NMU: variants seen among roughly 807,000 people sequenced by gnomAD.
NMU encodes the protein neuromedin-U.
Under a neutral mutation model 35.4 loss-of-function variants are expected in NMU, and 29 were observed. That is an observed-to-expected ratio of 0.82 (90% confidence interval 0.61 to 1.12). NMU has a LOEUF of 1.12. Ranked by LOEUF, NMU falls within the 50% of genes most tolerant of loss-of-function variation. The probability of loss-of-function intolerance (pLI) is 0.00; values close to 1 mark genes in which losing one functional copy is unlikely to be tolerated. For synonymous variants in NMU, 78 were observed against 81.3 expected, an observed-to-expected ratio of 0.96 and a Z score of 0.22; for missense variants, 199 against 206.2, an observed-to-expected ratio of 0.97 and a Z score of 0.21.
intron 1 of NMU, among the ~76,000 whole-genome samples, chr4:55,632,666 G>A: frequency 6.6e-6 from 1 of 152,122 alleles, no homozygotes; most frequent in East Asian, 1.9e-4. Context: ...AAAACACCTG[G>A]TGACCTCACT....
chr4:55,616,359 C>T lies in NMU; in HGVS notation c.198G>A (p.Leu66=), dbSNP rs377282338. ...TTACCTGAGGCTGAGAATCAATGGA[C>T]AGAAAAGACGAACAAGTATCATCTA... The part of the protein sequence containing the change: ...NEIDDTCSSF[L]SIDSQPQASN... The change falls in exon 3 of 10, where the codon CTG becomes CTA. Residue 66 remains leucine, a synonymous_variant. Transcript: ENST00000264218. The T allele has an allele frequency of 5.6e-6, 9 of 1,612,266 alleles. No individual in the cohort carries two copies. The highest frequency in any genetic ancestry group is 7.6e-6 in the Non-Finnish European group (9 of 1,178,404).
chr4:55,616,159 A>G (rs1479787663), intron 3 of NMU, among the ~76,000 whole-genome samples, 179 bp downstream of exon 3: 2 of 152,234 alleles, frequency 1.3e-5, no homozygotes, highest in Non-Finnish European at 2.9e-5. Flanking sequence ...TTAGAGATGA[A>G]AGCCCTAGCA....
At chr4:55,627,175 G>A (rs532682457) in intron 2 of NMU, among the ~76,000 whole-genome samples, 1 of 152,228 alleles carries the variant, frequency 6.6e-6, no homozygotes, top group South Asian at 2.1e-4. Flanking sequence ...GGTACTGGTG[G>A]TGACTGCTAT....
chr4:55,606,621 T>C (rs1441233079), intron 6 of NMU, among the ~76,000 whole-genome samples: 4 of 152,072 alleles, frequency 2.6e-5, no homozygotes, highest in African/African-American at 9.7e-5. Context: ...TTTATTTGCT[T>C]TTTTTATTTT....
At position 55,605,325 on chromosome 4, in the gene NMU, G is replaced by A; in HGVS notation, c.385C>T (p.Gln129Ter). 6.2e-7 allele frequency: 1 copy of A among 1,613,680 alleles called. No individual in the cohort carries two copies. Among genetic ancestry groups the A allele is most frequent in the Non-Finnish European group, 8.5e-7 (1 of 1,179,582 alleles). Residue 129 changes from glutamine to a stop codon, truncating the protein, a stop_gained, in exon 7 of 10, where the codon CAG (glutamine) becomes TAG (stop). Transcript: ENST00000264218. LOFTEE classifies it high-confidence loss of function. ...VVSSVVHPLL[Q>*]LVPHLHERRM... ...CTCTCATGCAGGTGAGGAACGAGCT[G>A]CAGCAACGGATGCACAACTGACGAC...
intron 7 of NMU, among the ~76,000 whole-genome samples, chr4:55,604,223 G>T (rs1305156805): frequency 6.7e-6 from 1 of 149,730 alleles, no homozygotes; most frequent in East Asian, 2.0e-4. Context: ...CCACCGCCAC[G>T]CCCAGCTAAT....
At chr4:55,628,643 C>T (rs1734635041) in intron 2 of NMU, among the ~76,000 whole-genome samples, 2 of 151,632 alleles carry the variant, frequency 1.3e-5, no homozygotes, top group Admixed American at 1.3e-4. Context: ...GGATTACAGG[C>T]ACCATGCCCG....
chr4:55,636,055 A>G lies in NMU; in HGVS notation c.112+26T>C. 6.5e-7 allele frequency: 1 copy of G among 1,532,048 alleles called. No homozygotes were observed. Among genetic ancestry groups the G allele is most frequent in the Non-Finnish European group, 8.7e-7 (1 of 1,145,790 alleles). 94.9% of individuals were successfully genotyped at this position (1,532,048 alleles called of 1,614,324 possible). A position where few individuals can be genotyped will look rare whatever the true frequency, so the allele number is the denominator to read the frequency against. ...CAGAGAGAGGCGCGCATGGCGTGGA[A>G]GCGGCCGGGTGCGGGGCCGTCTTAC... On this transcript the variant is annotated intron_variant, in intron 1 of 9. Transcript: ENST00000264218. This position sits in a 1 kb window ranked among gnomAD's most constrained non-coding sequence, Gnocchi z 4.0.
At position 55,605,287 on chromosome 4, in the gene NMU, T is replaced by A. The variant is rs191821062; in HGVS notation, c.423A>T (p.Arg141Ser). 3.7e-5 allele frequency: 59 copies of A among 1,612,330 alleles called. No individual in the cohort carries two copies. The highest frequency in any genetic ancestry group is 4.7e-5 in the Non-Finnish European group (55 of 1,178,342). Residue 141 changes from arginine to serine, a missense_variant, in exon 7 of 10, where the codon AGA becomes AGT. Transcript: ENST00000264218. ...TTGTATTACATACGTCCACTCTGAA[T>A]CTCTTCATTCTTCTCTCATGCAGGT... ...VPHLHERRMK[R>S]FRVDEEFQSP... is the part of the protein sequence containing the mutation.
chr4:55,625,889 T>A (rs1734507538), intron 2 of NMU, among the ~76,000 whole-genome samples: 1 of 151,974 alleles, frequency 6.6e-6, no homozygotes, highest in Non-Finnish European at 1.5e-5. Flanking sequence ...GCCCACCACA[T>A]GTTGCCTATC....
chr4:55,606,880 G>A (rs964803360), intron 6 of NMU, among the ~76,000 whole-genome samples: 3 of 152,004 alleles, frequency 2.0e-5, no homozygotes, highest in Admixed American at 1.3e-4. Context: ...GTTTCACCAT[G>A]TTGGCCAGGC....
chr4:55,634,056 A>G (rs1395379484), intron 1 of NMU, among the ~76,000 whole-genome samples: 2 of 152,138 alleles, frequency 1.3e-5, no homozygotes, highest in Non-Finnish European at 2.9e-5. Context: ...GTTTTTTGCC[A>G]AGGATGCTGC....
At chr4:55,611,235 T>C (rs1733919670) in intron 3 of NMU, among the ~76,000 whole-genome samples, 1 of 151,978 alleles carries the variant, frequency 6.6e-6, no homozygotes, top group Non-Finnish European at 1.5e-5. Context: ...TGGTGGTGCA[T>C]GCCTGTAGTC....
intron 3 of NMU, among the ~76,000 whole-genome samples, chr4:55,611,187 T>C (rs59571323): frequency 0.18 from 26,689 of 151,616 alleles, 2,471 homozygotes; most frequent in South Asian, 0.23. Context: ...CATAGCAAGA[T>C]CCTGTCTCTA....
In NMU at chr4:55,619,920, G is replaced by T. The variant is rs1477596531; in HGVS notation, c.172-3535C>A. Among the ~76,000 whole-genome samples the T allele has an allele frequency of 2.3e-3, 311 of 135,512 alleles. 10 individuals carry two copies. Among genetic ancestry groups the T allele is most frequent in the Middle Eastern group, 3.8e-3 (1 of 262 alleles). 88.9% of individuals were successfully genotyped at this position (135,512 alleles called of 152,430 possible). On this transcript the variant is annotated intron_variant, in intron 2 of 9. Coordinates refer to ENST00000264218, the MANE Select transcript of NMU (RefSeq NM_006681.4). ...GCAGGGGCACACTGACACCTCACAA[G>T]GCAGGGTATTCCAACAGACCTGCAG...
At chr4:55,617,727 G>A in intron 2 of NMU, among the ~76,000 whole-genome samples, 1 of 152,150 alleles carries the variant, frequency 6.6e-6, no homozygotes, top group Non-Finnish European at 1.5e-5. Flanking sequence ...GTCACCTTCT[G>A]TGGTTCAGTA....
Position 55,598,085 on chromosome 4 carries a change from T to C in NMU, c.*4+1057A>G, listed in dbSNP as rs1733265925. 3.9e-5 allele frequency among the ~76,000 whole-genome samples: 5 copies of C among 128,462 alleles called. No individual in the cohort carries two copies. The Admixed American group carries it at 5.1e-4, about 13-fold the overall frequency. 84.3% of individuals were successfully genotyped at this position (128,462 alleles called of 152,430 possible). Reference sequence around the variant, plus strand: ...TTTACTTTGTTGTTGTTGTTTTGGTTGTGGTTTTTTTTTTTTTTTTTTTTT... The same window carrying C: ...TTTACTTTGTTGTTGTTGTTTTGGTCGTGGTTTTTTTTTTTTTTTTTTTTT... On this transcript the variant is annotated intron_variant, in intron 9 of 9. Coordinates refer to ENST00000264218, the MANE Select transcript of NMU (RefSeq NM_006681.4).
intron 5 of NMU, 34 bp downstream of exon 5, chr4:55,607,403 T>A: frequency 7.9e-7 from 1 of 1,263,686 alleles, no homozygotes; most frequent in Non-Finnish European, 1.2e-6. Flanking sequence ...CCCTTATTAT[T>A]TTATAAGGTA....
At chr4:55,611,749 G>A (rs1473256085) in intron 3 of NMU, among the ~76,000 whole-genome samples, 1 of 152,160 alleles carries the variant, frequency 6.6e-6, no homozygotes, top group East Asian at 1.9e-4. Context: ...ATATAGCCTA[G>A]GTGTGTAGTA....
Sources: allele counts gnomAD v4.1 joint callset (sites outside exome capture counted in the v4.1 genomes callset), GRCh38; gene constraint gnomAD v4.1.1; non-coding constraint Gnocchi (gnomAD v3.1); transcripts MANE v1.5; gene names NCBI Gene and HGNC (gene_info 2026-07-23, HGNC 2026-07-21).